CUL4A: variants seen among roughly 807,000 people sequenced by gnomAD.
CUL4A encodes the protein cullin 4A.
In CUL4A, 16 loss-of-function variants were observed where a neutral mutation model predicts 95.5. The observed-to-expected ratio is 0.17, with a 90% CI of 0.11 to 0.25. CUL4A has a LOEUF of 0.25. Among genes scored for constraint, CUL4A ranks in the 10% least tolerant of loss-of-function variants. The pLI is 1.00. For missense variants in CUL4A, 610 were observed against 937.0 expected (o/e 0.65, Z 4.56); for synonymous variants, 380 against 353.1 (o/e 1.08, Z -0.85).
At position 113,219,070 on chromosome 13, in the gene CUL4A, A is replaced by G. The variant is rs747956383; in HGVS notation, c.368+22A>G. The G allele has an allele frequency of 4.1e-6, 6 of 1,477,710 alleles. No individual in the cohort carries two copies. In the Admixed American group the frequency reaches 1.2e-4, roughly 29 times the overall value. The allele number at this position is 1,477,710 out of a possible 1,614,324, so 91.5% of individuals were successfully genotyped here. A position where few individuals can be genotyped will look rare whatever the true frequency, so the allele number is the denominator to read the frequency against. ...GAGAATATCCTTTTTTTGGTTCATA[A>G]AGTTTCTATTCATTATCTAAGTCTT... On this transcript the variant is annotated intron_variant, in intron 3 of 19. Coordinates refer to ENST00000375440, the MANE Select transcript of CUL4A (RefSeq NM_001008895.4).
rs2041561528 is a variant in CUL4A, at chr13:113,236,840, G to A, written c.866G>A (p.Cys289Tyr). Residue 289 changes from cysteine to tyrosine, a missense_variant, in exon 9 of 20, where the codon TGT (cysteine) becomes TAT (tyrosine). This residue lies in a region of CUL4A where 153 missense variants were observed against 244.5 expected (regional missense o/e 0.63). Transcript: ENST00000375440. ...DHSTQKPLIA[C>Y]VEKQLLGEHL... The stretch of plus-strand genomic sequence containing the variant: ...TTATATAGGAAACCACTGATTGCTT[G>A]TGTGGAGAAACAGCTATTAGGAGAA... 1 of 1,611,420 alleles carries A rather than the reference G, an allele frequency of 6.2e-7. No homozygotes were observed.
rs530490282 is a variant in CUL4A, at chr13:113,242,438, C to T, written c.1036-530C>T. Among the ~76,000 whole-genome samples the T allele has an allele frequency of 2.0e-5, 3 of 152,240 alleles. No homozygotes were observed. The South Asian group carries it at 6.2e-4, about 32-fold the overall frequency. On this transcript the variant is annotated intron_variant, in intron 10 of 19. Coordinates refer to ENST00000375440, the MANE Select transcript of CUL4A (RefSeq NM_001008895.4). ...TAAAAAGCAACGGACATTTTCCAGT[C>T]GTTTGTAAGTTCTCTCAGAAACAGA...
At chr13:113,261,138 C>T (rs1481511632) in intron 19 of CUL4A, among the ~76,000 whole-genome samples, 7 of 152,196 alleles carry the variant, frequency 4.6e-5, no homozygotes, top group Admixed American at 1.3e-4. Flanking sequence ...GCCTACACCG[C>T]GTTTTCCACC....
chr13:113,230,883 G>A (rs969401665), intron 5 of CUL4A, among the ~76,000 whole-genome samples: 1 of 152,000 alleles, frequency 6.6e-6, no homozygotes, highest in African/African-American at 2.4e-5. Flanking sequence ...TGATCTTCCT[G>A]CGTTGGCCTC....
intron 2 of CUL4A, 139 bp from the exon 3 acceptor site, chr13:113,218,806 T>G (rs1323253493): frequency 1.7e-6 from 1 of 593,372 alleles, no homozygotes; most frequent in Non-Finnish European, 3.0e-6. Flanking sequence ...ATAAGTAATT[T>G]ATTTGTAGAT....
intron 2 of CUL4A, among the ~76,000 whole-genome samples, chr13:113,217,041 T>C (rs2040720387): frequency 6.6e-6 from 1 of 152,226 alleles, no homozygotes; most frequent in Non-Finnish European, 1.5e-5. Flanking sequence ...AAATATTTAG[T>C]CATTTGCCAC....
At chr13:113,230,203 G>C (rs555359733) in intron 5 of CUL4A, 3 of 153,152 alleles carry the variant, frequency 2.0e-5, no homozygotes, top group African/African-American at 7.2e-5. Context: ...TAAAAGTGAT[G>C]TCGTGCCTTC....
At position 113,241,387 on chromosome 13, in the gene CUL4A, G is replaced by C. The variant is rs181916416; in HGVS notation, c.1036-1581G>C. Among the ~76,000 whole-genome samples the C allele has an allele frequency of 3.4e-3, 511 of 152,222 alleles. 1 individual carries two copies. The highest frequency in any genetic ancestry group is 0.011 in the African/African-American group (462 of 41,536). ...TCAAAATAAAGCTGGGCCTTGTAGT[G>C]TATGTGCATTATTTCAAAATGCAGT... On this transcript the variant is annotated intron_variant, in intron 10 of 19. Coordinates refer to ENST00000375440, the MANE Select transcript of CUL4A (RefSeq NM_001008895.4).
intron 15 of CUL4A, among the ~76,000 whole-genome samples, chr13:113,249,999 T>C (rs1595416872): frequency 6.6e-6 from 1 of 152,350 alleles, no homozygotes; most frequent in East Asian, 1.9e-4. Flanking sequence ...TAGACCCTTA[T>C]CAGATCTGTG....
At chr13:113,250,778 C>T (rs989328734) in intron 15 of CUL4A, among the ~76,000 whole-genome samples, 1 of 152,024 alleles carries the variant, frequency 6.6e-6, no homozygotes, top group African/African-American at 2.4e-5. Flanking sequence ...GATACATTTC[C>T]TAAAAGAGTT....
At chr13:113,249,323 C>T (rs1027650061) in intron 15 of CUL4A, among the ~76,000 whole-genome samples, 11 of 151,970 alleles carry the variant, frequency 7.2e-5, no homozygotes, top group African/African-American at 2.4e-4. Flanking sequence ...CTGTGCCATA[C>T]ATCAGCGCTT....
In CUL4A at chr13:113,240,156, A is replaced by G. The variant is rs1440042695; in HGVS notation, c.1035+605A>G. Among the ~76,000 whole-genome samples, 3 of 152,198 alleles carry G rather than the reference A, an allele frequency of 2.0e-5. No individual in the cohort carries two copies. In the East Asian group the frequency reaches 5.8e-4, roughly 29 times the overall value. ...TTGGTGCTGACATAGGACCTCCCTG[A>G]AGACTAGGGGCTCTCGGCCCAGGGC... On this transcript the variant is annotated intron_variant, in intron 10 of 19. Transcript: ENST00000375440.
Position 113,209,794 on chromosome 13 carries a change from T to A in CUL4A, c.148+19T>A. On this transcript the variant is annotated intron_variant, in intron 1 of 19. Transcript: ENST00000375440. ...TTCCGAGGTGGGTGCGGCGGCCGGG[T>A]CGAGGGCCAGGCGCCCCGGGCGGGG... 11 of 1,167,606 alleles carry A rather than the reference T, an allele frequency of 9.4e-6. No homozygotes were observed. Among genetic ancestry groups the A allele is most frequent in the Non-Finnish European group, 1.1e-5 (10 of 948,394 alleles). 72.3% of individuals were successfully genotyped at this position (1,167,606 alleles called of 1,614,324 possible).
intron 10 of CUL4A, among the ~76,000 whole-genome samples, chr13:113,241,858 T>C (rs767010167): frequency 3.3e-5 from 5 of 151,956 alleles, no homozygotes; most frequent in Non-Finnish European, 5.9e-5. Flanking sequence ...CGTGTGTGTG[T>C]GATGTGTGAG....
chr13:113,209,037 G>C (rs569693963), upstream of CUL4A: 52 of 375,086 alleles, frequency 1.4e-4, 1 homozygote, highest in African/African-American at 1.0e-3. Flanking sequence ...GCGCGCGCCC[G>C]AGGAGGGGGA....
upstream of CUL4A, chr13:113,208,685 G>C (rs1332390847): frequency 2.9e-5 from 46 of 1,568,258 alleles, no homozygotes; most frequent in Non-Finnish European, 3.7e-5. Context: ...AAGCGGGCCA[G>C]CTGGCGTCAC....
intron 10 of CUL4A, among the ~76,000 whole-genome samples, chr13:113,240,277 G>T (rs901221241): frequency 1.3e-5 from 2 of 151,996 alleles, no homozygotes; most frequent in African/African-American, 2.4e-5. Context: ...AGCACCAGGG[G>T]TGCTGCTGAA....
intron 5 of CUL4A, 165 bp downstream of exon 5, chr13:113,229,684 G>A: frequency 1.7e-6 from 1 of 598,574 alleles, no homozygotes. Context: ...GTGGGTCTTA[G>A]CCTTGAAACA....
At chr13:113,208,353 C>G, upstream of CUL4A, 2 of 1,433,134 alleles carry the variant, frequency 1.4e-6, no homozygotes, top group African/African-American at 2.9e-5. Flanking sequence ...CTACTTACAC[C>G]GCGACGACTC....
Sources: gnomAD v4.1 joint callset for allele counts (sites outside exome capture counted in the v4.1 genomes callset) on GRCh38, gnomAD v4.1.1 for gene constraint, gnomAD v4.1.1 regional missense constraint, MANE v1.5 for transcripts, NCBI Gene and HGNC (gene_info 2026-07-23, HGNC 2026-07-21) for gene names.